USP32: variants seen among roughly 807,000 people sequenced by gnomAD.
USP32 encodes ubiquitin specific peptidase 32.
USP32 carries 59 observed loss-of-function variants against 204.8 expected under a neutral mutation model. The observed-to-expected ratio is 0.29, with a 90% CI of 0.23 to 0.36. USP32 has a LOEUF of 0.36. Ranked by LOEUF, USP32 falls within the 10% of genes least tolerant of loss-of-function variation. USP32 has a pLI of 1.00. For synonymous variants in USP32, 517 were observed against 678.4 expected (o/e 0.76, Z 3.70); for missense variants, 1,160 against 1,946.4 (o/e 0.60, Z 7.60).
intron 1 of USP32, among the ~76,000 whole-genome samples, chr17:60,391,329 A>C (rs2089829744): frequency 6.6e-6 from 1 of 152,160 alleles, no homozygotes; most frequent in Admixed American, 6.5e-5. Flanking sequence ...CAAACGGTGA[A>C]GGGTGGCAGA....
intron 4 of USP32, among the ~76,000 whole-genome samples, chr17:60,293,893 A>G (rs1323520153): frequency 1.3e-5 from 2 of 152,216 alleles, no homozygotes; most frequent in Admixed American, 6.5e-5. Context: ...GAACTTCTAA[A>G]GGGATTTTTA....
At chr17:60,359,828 T>C (rs1407924944) in intron 1 of USP32, among the ~76,000 whole-genome samples, 1 of 151,630 alleles carries the variant, frequency 6.6e-6, no homozygotes, top group African/African-American at 2.4e-5. Context: ...AATAGATAAA[T>C]AAAGAGTTCA....
Position 60,226,043 on chromosome 17 carries a change from G to A in USP32, c.1428C>T (p.Gly476=), listed in dbSNP as rs1167765772. 2 of 1,599,556 alleles carry A rather than the reference G, an allele frequency of 1.3e-6. No homozygotes were observed. The highest frequency in any genetic ancestry group is 2.7e-5 in the African/African-American group (2 of 73,958). ...STASEASETA[G]SGFLYSATPG... is the part of the protein sequence containing the mutation. ...AGGGGAATAGGTCATATTTACCGCT[G>A]CCAGCAGTTTCTGAGGCTTCAGATG... The change falls in exon 13 of 34, where the codon GGC becomes GGT. Residue 476 remains glycine, a synonymous_variant. Coordinates refer to ENST00000300896, the MANE Select transcript of USP32 (RefSeq NM_032582.4).
intron 25 of USP32, among the ~76,000 whole-genome samples, chr17:60,206,416 C>T (rs2084826486): frequency 1.3e-5 from 2 of 149,522 alleles, no homozygotes; most frequent in South Asian, 4.1e-4. Context: ...CTGGTGGATA[C>T]TGTATTGGAT....
rs183921406 is a variant in USP32 at position 60,364,828 on chromosome 17, T to A, written c.59-19220A>T. Among the ~76,000 whole-genome samples the A allele has an allele frequency of 5.9e-5, 9 of 152,362 alleles. No homozygotes were observed. The East Asian group carries it at 1.7e-3, about 29-fold the overall frequency. ...AAATTCCATTGTTCACTAATGTTTG[T>A]GAAGAAACAAAAACCTAATCCTCTA... On this transcript the variant is annotated intron_variant, in intron 1 of 33. Coordinates refer to ENST00000300896, the MANE Select transcript of USP32 (RefSeq NM_032582.4).
intron 16 of USP32, among the ~76,000 whole-genome samples, chr17:60,215,023 G>A (rs148891996): frequency 0.021 from 3,208 of 152,056 alleles, 134 homozygotes; most frequent in African/African-American, 0.073. Flanking sequence ...ACTAGAGTGC[G>A]GTGCTGTGAT....
At chr17:60,357,395 G>A (rs2089104416) in intron 1 of USP32, among the ~76,000 whole-genome samples, 1 of 152,170 alleles carries the variant, frequency 6.6e-6, no homozygotes, top group South Asian at 2.1e-4. Flanking sequence ...GGAGGCTGCA[G>A]TGAGCTATGA....
intron 2 of USP32, among the ~76,000 whole-genome samples, chr17:60,310,969 T>G (rs1317092847): frequency 3.3e-5 from 5 of 151,850 alleles, no homozygotes; most frequent in African/African-American, 1.2e-4. Context: ...AAGATGAGAG[T>G]AGATTGGTGG....
intron 2 of USP32, among the ~76,000 whole-genome samples, chr17:60,307,476 A>G (rs1350003781): frequency 6.6e-6 from 1 of 152,222 alleles, no homozygotes; most frequent in East Asian, 1.9e-4. Context: ...CAAAATATCA[A>G]TGACATTCTT....
chr17:60,189,965 T>C (rs951431192), intron 29 of USP32, among the ~76,000 whole-genome samples: 3 of 152,240 alleles, frequency 2.0e-5, no homozygotes, highest in Admixed American at 6.5e-5. Context: ...TTTATTTGTC[T>C]CCATCAAAAT....
At chr17:60,419,672 G>A (rs1238805379) in intron 1 of USP32, among the ~76,000 whole-genome samples, 1 of 150,128 alleles carries the variant, frequency 6.7e-6, no homozygotes, top group Non-Finnish European at 1.5e-5. Flanking sequence ...GGCGGAGCTT[G>A]CAGTGAGCAG....
chr17:60,255,295 T>G, intron 9 of USP32, 37 bp from the exon 10 acceptor site: 1 of 1,517,976 alleles, frequency 6.6e-7, no homozygotes, highest in Non-Finnish European at 8.9e-7. Context: ...ACATCTTTTT[T>G]TTCTTTTTTT....
At chr17:60,261,287 C>A (rs1598158915) in intron 9 of USP32, among the ~76,000 whole-genome samples, 1 of 152,220 alleles carries the variant, frequency 6.6e-6, no homozygotes, top group East Asian at 1.9e-4. Flanking sequence ...GTAATAACTT[C>A]TATTAATTTT....
chr17:60,282,499 A>G (rs1039604185), intron 5 of USP32, among the ~76,000 whole-genome samples: 3 of 152,140 alleles, frequency 2.0e-5, no homozygotes, highest in Non-Finnish European at 4.4e-5. Context: ...GACTACAGGC[A>G]CATGCCACTA....
chr17:60,293,189 G>T (rs2087329648), intron 4 of USP32, among the ~76,000 whole-genome samples: 1 of 151,980 alleles, frequency 6.6e-6, no homozygotes, highest in Non-Finnish European at 1.5e-5. Context: ...CTAATTATCA[G>T]CTAATACATG....
At chr17:60,321,545 TA>T (rs2088112113) in intron 2 of USP32, among the ~76,000 whole-genome samples, 1 of 152,066 alleles carries the variant, frequency 6.6e-6, no homozygotes, top group African/African-American at 2.4e-5. Flanking sequence ...AATCAACAGG[TA>T]CCATCAATCA....
chr17:60,308,592 TTC>T (rs2087783342), intron 2 of USP32, among the ~76,000 whole-genome samples: 1 of 152,192 alleles, frequency 6.6e-6, no homozygotes, highest in Non-Finnish European at 1.5e-5. Flanking sequence ...GAACAGTCTT[TTC>T]AATAAATGGT....
rs139318680 is a variant in USP32, at chr17:60,276,032, G to C, written c.572-4551C>G. 2.3e-3 allele frequency among the ~76,000 whole-genome samples: 356 copies of C among 152,184 alleles called. 2 individuals are homozygous for C. Among genetic ancestry groups the C allele is most frequent in the African/African-American group, 8.3e-3 (344 of 41,530 alleles). On this transcript the variant is annotated intron_variant, in intron 5 of 33. Transcript: ENST00000300896. ...CTAATTCACTAGATTGTAATCGCCT[G>C]ATGGGTCAATGTTTGCAAAGGTCCA...
At chr17:60,346,872 A>C (rs1598271239) in intron 1 of USP32, among the ~76,000 whole-genome samples, 1 of 152,396 alleles carries the variant, frequency 6.6e-6, no homozygotes, top group East Asian at 1.9e-4. Context: ...GTATCATAAA[A>C]GTATCTTACT....
Sources: allele counts gnomAD v4.1 joint callset (sites outside exome capture counted in the v4.1 genomes callset), GRCh38; gene constraint gnomAD v4.1.1; transcripts MANE v1.5; gene names NCBI Gene and HGNC (gene_info 2026-07-23, HGNC 2026-07-21).